FRMPD4: variants seen among roughly 807,000 people sequenced by gnomAD.
FRMPD4 encodes the protein FERM and PDZ domain containing 4, also known as FERM and PDZ domain-containing protein 4.
In FRMPD4, 22 loss-of-function variants were observed where a neutral mutation model predicts 94.1. That is an observed-to-expected ratio of 0.23 (90% CI 0.17 to 0.33). The LOEUF (loss-of-function observed/expected upper bound fraction) is 0.33, where lower values mean the gene tolerates loss of function less well. FRMPD4 is among the 10% of genes least tolerant of loss of function. FRMPD4 has a pLI of 1.00. For synonymous variants in FRMPD4, 631 were observed against 548.6 expected, an observed-to-expected ratio of 1.15 and a Z score of -2.10; for missense variants, 1,111 against 1,339.9, an observed-to-expected ratio of 0.83 and a Z score of 2.67.
intron 3 of FRMPD4, among the ~76,000 whole-genome samples, chrX:12,034,680 C>G (rs2054710747): frequency 8.9e-6 from 1 of 112,065 alleles, no homozygotes; most frequent in African/African-American, 3.2e-5. Flanking sequence ...AAGGTACACT[C>G]AGCCACTGTC....
At chrX:12,363,383 G>C (rs1569246729) in intron 1 of FRMPD4, among the ~76,000 whole-genome samples, 1 of 112,617 alleles carries the variant, frequency 8.9e-6, no homozygotes, top group East Asian at 2.8e-4. Flanking sequence ...TTTGAGTCCT[G>C]GGACAGACAG....
At chrX:11,886,366 C>A (rs1418903484) in intron 3 of FRMPD4, among the ~76,000 whole-genome samples, 2 of 111,281 alleles carry the variant, frequency 1.8e-5, no homozygotes, top group African/African-American at 6.5e-5. Flanking sequence ...TCGATTTAGA[C>A]AAACCATTTT....
At chrX:12,377,238 A>G (rs1242126975) in intron 1 of FRMPD4, among the ~76,000 whole-genome samples, 2 of 112,385 alleles carry the variant, frequency 1.8e-5, no homozygotes, top group Non-Finnish European at 3.8e-5. Flanking sequence ...CAAAAAATCA[A>G]AACAGTGTTG....
chrX:12,143,019 C>T (rs748934377), intron 1 of FRMPD4, among the ~76,000 whole-genome samples: 4 of 112,291 alleles, frequency 3.6e-5, no homozygotes, highest in Middle Eastern at 4.2e-3. Context: ...GGAAGTTTAG[C>T]TGTAAGAGAA....
chrX:12,480,147 T>A (rs1328759793), intron 1 of FRMPD4, among the ~76,000 whole-genome samples: 2 of 109,164 alleles, frequency 1.8e-5, no homozygotes, highest in African/African-American at 3.3e-5. Flanking sequence ...ATGAGAACAA[T>A]TATATAAACA....
intron 1 of FRMPD4, among the ~76,000 whole-genome samples, chrX:11,828,077 C>G (rs1434251812): frequency 8.9e-6 from 1 of 111,800 alleles, no homozygotes; most frequent in East Asian, 2.8e-4. Flanking sequence ...AGACATATGC[C>G]AACTGTGTTA....
intron 1 of FRMPD4, among the ~76,000 whole-genome samples, chrX:12,231,645 G>T (rs2057010248): frequency 1.8e-5 from 2 of 111,698 alleles, no homozygotes; most frequent in East Asian, 2.8e-4. Context: ...ACCCAGATTT[G>T]CTGGATAAGA....
At chrX:12,684,038 T>C (rs1410849529) in intron 6 of FRMPD4, among the ~76,000 whole-genome samples, 1 of 112,241 alleles carries the variant, frequency 8.9e-6, no homozygotes, top group Non-Finnish European at 1.9e-5. Context: ...GCCTAATCTT[T>C]CAACTAATCA....
At chrX:11,861,028 T>C (rs1414751610) in intron 1 of FRMPD4, among the ~76,000 whole-genome samples, 1 of 112,355 alleles carries the variant, frequency 8.9e-6, no homozygotes, top group African/African-American at 3.2e-5. Flanking sequence ...AAAATTTAAA[T>C]AAAGAAGTTA....
At position 12,198,509 on chromosome X, in the gene FRMPD4, C is replaced by T. The variant is rs147596545; in HGVS notation, c.41+59497C>T. 4.2e-3 allele frequency among the ~76,000 whole-genome samples: 465 copies of T among 112,031 alleles called. 4 individuals are homozygous for T. The highest frequency in any genetic ancestry group is 0.014 in the African/African-American group (427 of 30,781). On this transcript the variant is annotated intron_variant, in intron 1 of 16. Coordinates refer to ENST00000675598, the MANE Select transcript of FRMPD4 (RefSeq NM_001368397.1). Reference sequence around the variant, plus strand: ...ATCTGTGTGCACATTAATGATTGTACCCAGCTCCCAGGTAATACCTGTGTC... The same window carrying T: ...ATCTGTGTGCACATTAATGATTGTATCCAGCTCCCAGGTAATACCTGTGTC...
intron 3 of FRMPD4, among the ~76,000 whole-genome samples, chrX:12,097,779 T>C (rs190449086): frequency 1.3e-4 from 15 of 112,831 alleles, no homozygotes; most frequent in Non-Finnish European, 1.9e-5. Flanking sequence ...TGCTGAATGA[T>C]ATTGCATTGT....
chrX:12,348,576 G>A (rs1362358517), intron 1 of FRMPD4, among the ~76,000 whole-genome samples: 2 of 90,652 alleles, frequency 2.2e-5, no homozygotes, highest in East Asian at 6.4e-4. Context: ...AATGCTGAAG[G>A]AAATGCTTCC....
chrX:12,540,886 T>C (rs1410126725), intron 2 of FRMPD4, among the ~76,000 whole-genome samples: 1 of 111,929 alleles, frequency 8.9e-6, no homozygotes, highest in Non-Finnish European at 1.9e-5. Flanking sequence ...TATAACAAAC[T>C]GTCTCTGAGA....
At chrX:12,585,361 C>A (rs1444351017) in intron 2 of FRMPD4, among the ~76,000 whole-genome samples, 1 of 110,736 alleles carries the variant, frequency 9.0e-6, no homozygotes, top group Non-Finnish European at 1.9e-5. Flanking sequence ...GCTGGGATTA[C>A]AGGCCCCTGC....
chrX:12,543,524 T>C (rs2148315554), intron 2 of FRMPD4, among the ~76,000 whole-genome samples: 1 of 111,712 alleles, frequency 9.0e-6, no homozygotes, highest in South Asian at 3.7e-4. Flanking sequence ...GAAATGCAAA[T>C]CAAAACCACA....
intron 1 of FRMPD4, among the ~76,000 whole-genome samples, chrX:12,416,165 T>G (rs1311042115): frequency 9.1e-6 from 1 of 110,062 alleles, no homozygotes; most frequent in Admixed American, 9.6e-5. Flanking sequence ...CTTTTTCTCC[T>G]CCCTTTCTAC....
At chrX:12,428,147 G>A (rs113840020) in intron 1 of FRMPD4, among the ~76,000 whole-genome samples, 1,970 of 109,174 alleles carry the variant, frequency 0.018, 45 homozygotes, top group African/African-American at 0.063. Context: ...TCCTGACCTC[G>A]TGATCTGCCC....
At chrX:12,049,744 C>T (rs1230035014) in intron 3 of FRMPD4, among the ~76,000 whole-genome samples, 1 of 111,421 alleles carries the variant, frequency 9.0e-6, no homozygotes, top group Non-Finnish European at 1.9e-5. Flanking sequence ...ATGACAGCGC[C>T]ATGTATGTTG....
In FRMPD4 at chrX:12,052,582, G is replaced by A. The variant is rs759453095; in HGVS notation, c.95+174564G>A. On this transcript the variant is annotated intron_variant, in intron 3 of 18. Coordinates refer to the FRMPD4 transcript ENST00000640291. ...GTCATGTTGTTAGTTCTGTCACTCT[G>A]CGACATTGGGCAAATCAATCAGCCA... 4.4e-5 allele frequency among the ~76,000 whole-genome samples: 5 copies of A among 112,364 alleles called. No individual in the cohort carries two copies. The Admixed American group carries it at 4.7e-4, about 11-fold the overall frequency.
Sources: allele counts gnomAD v4.1 joint callset (sites outside exome capture counted in the v4.1 genomes callset), GRCh38; gene constraint gnomAD v4.1.1; transcripts MANE v1.5; gene names NCBI Gene and HGNC (gene_info 2026-07-23, HGNC 2026-07-21).